Variants in PLCL1 observed in about 807,000 individuals in gnomAD.
PLCL1 encodes inactive phospholipase C-like protein 1.
A neutral mutation model predicts 84.4 loss-of-function variants in PLCL1; 41 were observed. The ratio of observed to expected loss-of-function variants is 0.49; its 90% CI spans 0.38 to 0.63. The LOEUF (loss-of-function observed/expected upper bound fraction) is 0.63, where lower values mean the gene tolerates loss of function less well. PLCL1 is among the 30% of genes least tolerant of loss of function. The pLI is 0.00. For synonymous variants in PLCL1, 490 were observed against 488.3 expected (o/e 1.00, Z -0.05); for missense variants, 1,206 against 1,367.8 (o/e 0.88, Z 1.87).
At chr2:198,108,051 C>A (rs1693531419) in intron 5 of PLCL1, among the ~76,000 whole-genome samples, 1 of 151,876 alleles carries the variant, frequency 6.6e-6, no homozygotes, top group South Asian at 2.1e-4. Context: ...AAGAAGATAT[C>A]TTTTTCTATA....
intron 1 of PLCL1, among the ~76,000 whole-genome samples, chr2:197,900,850 GT>G (rs1688249376): frequency 6.6e-6 from 1 of 152,200 alleles, no homozygotes; most frequent in Non-Finnish European, 1.5e-5. Flanking sequence ...AGATGCAAGA[GT>G]AAGTTGTTTG....
chr2:197,982,463 A>G (rs959457832), intron 1 of PLCL1, among the ~76,000 whole-genome samples: 1 of 152,102 alleles, frequency 6.6e-6, no homozygotes, highest in African/African-American at 2.4e-5. Context: ...TAAGAAATTA[A>G]TCTTCTTTTT....
chr2:197,938,453 G>A (rs913686383), intron 1 of PLCL1, among the ~76,000 whole-genome samples: 1 of 152,198 alleles, frequency 6.6e-6, no homozygotes, highest in Non-Finnish European at 1.5e-5. Flanking sequence ...CTGTGATGTA[G>A]TATTCTCTAA....
intron 1 of PLCL1, among the ~76,000 whole-genome samples, chr2:198,032,449 C>T (rs1384238568): frequency 1.3e-5 from 2 of 152,184 alleles, no homozygotes; most frequent in South Asian, 4.1e-4. Context: ...CTTTGGCTTT[C>T]ATGAAGACAA....
chr2:198,031,561 G>A (rs997257878), intron 1 of PLCL1, among the ~76,000 whole-genome samples: 2 of 151,606 alleles, frequency 1.3e-5, no homozygotes, highest in African/African-American at 2.4e-5. Context: ...TGTGATCAGA[G>A]CTCACTGCAG....
intron 5 of PLCL1, among the ~76,000 whole-genome samples, chr2:198,125,266 G>A (rs1405336574): frequency 1.3e-5 from 2 of 152,040 alleles, no homozygotes; most frequent in Admixed American, 6.6e-5. Flanking sequence ...TTTAAACCAA[G>A]GACAGATTTC....
intron 1 of PLCL1, among the ~76,000 whole-genome samples, chr2:198,081,884 A>G (rs1221684079): frequency 6.6e-6 from 1 of 152,210 alleles, no homozygotes; most frequent in Non-Finnish European, 1.5e-5. Context: ...GTTTTAAAAT[A>G]TTTCCAATGA....
intron 1 of PLCL1, among the ~76,000 whole-genome samples, chr2:197,894,521 CA>C (rs1378061227): frequency 2.0e-5 from 3 of 151,862 alleles, no homozygotes. Flanking sequence ...ATAACTAGCT[CA>C]TTTTTTTTTG....
chr2:197,933,815 TA>T (rs1344234725), intron 1 of PLCL1, among the ~76,000 whole-genome samples: 1 of 152,170 alleles, frequency 6.6e-6, no homozygotes, highest in Non-Finnish European at 1.5e-5. Flanking sequence ...GTCTATATAA[TA>T]ATTGTCTATA....
intron 5 of PLCL1, among the ~76,000 whole-genome samples, chr2:198,129,195 TC>T (rs998855627): frequency 2.6e-5 from 4 of 152,306 alleles, no homozygotes; most frequent in Middle Eastern, 6.8e-3. Flanking sequence ...AGAAGCCCCT[TC>T]CCTTTCCAGG....
intron 1 of PLCL1, among the ~76,000 whole-genome samples, chr2:197,989,865 TG>T (rs1230807967): frequency 6.6e-6 from 1 of 152,174 alleles, no homozygotes; most frequent in Admixed American, 6.5e-5. Flanking sequence ...CCCTCAGACT[TG>T]CACCTGGAGT....
chr2:197,805,846 C>A lies in PLCL1; in HGVS notation c.240+507C>A, dbSNP rs894532649. ...GAGGCAGAGTTTTAAGTGGACCCTG[C>A]ATCACAGTAAAGAGCAATGCAAGAG... On this transcript the variant is annotated intron_variant, in intron 1 of 5. Coordinates refer to ENST00000428675, the MANE Select transcript of PLCL1 (RefSeq NM_006226.4). The surrounding 1 kb of genome is among the most constrained non-coding windows in gnomAD (Gnocchi z 4.0). 6.6e-6 allele frequency among the ~76,000 whole-genome samples: 1 copy of A among 152,332 alleles called. No homozygotes were observed. Among genetic ancestry groups the A allele is most frequent in the African/African-American group, 2.4e-5 (1 of 41,578 alleles).
intron 1 of PLCL1, among the ~76,000 whole-genome samples, chr2:197,940,208 G>A (rs907989561): frequency 6.6e-6 from 1 of 152,086 alleles, no homozygotes; most frequent in African/African-American, 2.4e-5. Context: ...TACTTTTAAG[G>A]TGTTATGTTT....
At chr2:198,006,031 T>C (rs574874456) in intron 1 of PLCL1, among the ~76,000 whole-genome samples, 1 of 152,316 alleles carries the variant, frequency 6.6e-6, no homozygotes, top group Non-Finnish European at 1.5e-5. Context: ...AGGCTTAATA[T>C]ATTCAGAGAT....
intron 1 of PLCL1, among the ~76,000 whole-genome samples, chr2:197,896,442 C>T (rs1248560736): frequency 1.3e-5 from 2 of 151,984 alleles, no homozygotes; most frequent in African/African-American, 4.8e-5. Flanking sequence ...CCTTGTTTCA[C>T]CTGCTCCTCT....
intron 5 of PLCL1, among the ~76,000 whole-genome samples, chr2:198,119,375 G>C (rs551337947): frequency 6.6e-6 from 1 of 152,066 alleles, no homozygotes; most frequent in East Asian, 1.9e-4. Flanking sequence ...AAAATGCCAA[G>C]TTCTTGACCT....
chr2:197,943,077 TG>T (rs1239331404), intron 1 of PLCL1, among the ~76,000 whole-genome samples: 2 of 151,070 alleles, frequency 1.3e-5, no homozygotes, highest in Non-Finnish European at 2.9e-5. Context: ...TGCAGTGGCA[TG>T]CGTGGGATTG....
In PLCL1 at chr2:197,896,395, C is replaced by T. The variant is rs181633292; in HGVS notation, c.240+91056C>T. On this transcript the variant is annotated intron_variant, in intron 1 of 5. Transcript: ENST00000428675. ...ATCCTAGAGCAAAGCCCTATGTGCC[C>T]ATCTCTCAGCTTCAACAATTCTCAA... Among the ~76,000 whole-genome samples, 418 of 152,000 alleles carry T rather than the reference C, an allele frequency of 2.7e-3. 5 individuals are homozygous for T. Among genetic ancestry groups the T allele is most frequent in the Non-Finnish European group, 4.5e-3 (309 of 67,916 alleles).
intron 1 of PLCL1, among the ~76,000 whole-genome samples, chr2:198,066,760 C>A (rs775461198): frequency 6.6e-6 from 1 of 152,066 alleles, no homozygotes; most frequent in Non-Finnish European, 1.5e-5. Flanking sequence ...GTGGAGTCTC[C>A]TCAGGATCTT....
Sources: allele counts gnomAD v4.1 joint callset (sites outside exome capture counted in the v4.1 genomes callset), GRCh38; gene constraint gnomAD v4.1.1; non-coding constraint Gnocchi (gnomAD v3.1); transcripts MANE v1.5; gene names NCBI Gene and HGNC (gene_info 2026-07-23, HGNC 2026-07-21).